ANK3: variants seen among roughly 807,000 people sequenced by gnomAD.
ANK3 encodes the protein ankyrin-3.
In ANK3, 57 loss-of-function variants were observed where a neutral mutation model predicts 370.9. The ratio of observed to expected loss-of-function variants is 0.15; its 90% confidence interval spans 0.12 to 0.19. ANK3 has a LOEUF of 0.19. Ranked by LOEUF, ANK3 falls within the 10% of genes least tolerant of loss-of-function variation. The probability of loss-of-function intolerance (pLI) is 1.00; values close to 1 mark genes in which losing one functional copy is unlikely to be tolerated. For synonymous variants in ANK3, 1,929 were observed against 1,946.3 expected (o/e 0.99, Z 0.23); for missense variants, 4,439 against 5,302.1 (o/e 0.84, Z 5.06).
chr10:60,050,644 T>C (rs2077763425), intron 42 of ANK3: 1 of 152,200 alleles, frequency 6.6e-6, no homozygotes, highest in Non-Finnish European at 1.5e-5. Flanking sequence ...TCAATTATTC[T>C]AACCCTTAGA....
Position 60,083,500 on chromosome 10 carries a change from A to C in ANK3, c.4192T>G (p.Ser1398Ala). 1 of 1,610,986 alleles carries C rather than the reference A, an allele frequency of 6.2e-7. No individual in the cohort carries two copies. The highest frequency in any genetic ancestry group is 8.5e-7 in the Non-Finnish European group (1 of 1,178,900). ...YSFKENRLPF[S>A]IKIRDTSQEP... ...TGTTAAAGATGATTTACCTTGATGG[A>C]AAATGGCAGTCTATTTTCTTTGAAA... The change falls in exon 33 of 44, where the codon TCC (serine) becomes GCC (alanine). Residue 1398 changes from serine to alanine, a missense_variant. Transcript: ENST00000280772.
intron 2 of ANK3, among the ~76,000 whole-genome samples, chr10:60,403,866 C>T (rs1467538169): frequency 6.6e-6 from 1 of 152,078 alleles, no homozygotes; most frequent in African/African-American, 2.4e-5. Context: ...ATTTATGAAA[C>T]AACTCCTAGA....
At chr10:60,103,014 G>A (rs1018208561) in intron 28 of ANK3, among the ~76,000 whole-genome samples, 59 of 151,920 alleles carry the variant, frequency 3.9e-4, no homozygotes, top group African/African-American at 1.4e-3. Flanking sequence ...GCAGTGGCGC[G>A]ATCTTGGCTC....
At chr10:60,267,869 T>C (rs1318283324) in intron 5 of ANK3, among the ~76,000 whole-genome samples, 2 of 152,228 alleles carry the variant, frequency 1.3e-5, no homozygotes, top group Non-Finnish European at 2.9e-5. Flanking sequence ...AGGATGGGTT[T>C]TCTCTTAACC....
chr10:60,330,421 TAA>T (rs1266674348), intron 1 of ANK3, among the ~76,000 whole-genome samples: 2 of 151,902 alleles, frequency 1.3e-5, no homozygotes, highest in African/African-American at 4.8e-5. Context: ...ACAAAGAACT[TAA>T]ACAAACTTAC....
At chr10:60,209,621 C>G (rs2096821041) in intron 9 of ANK3, among the ~76,000 whole-genome samples, 1 of 152,148 alleles carries the variant, frequency 6.6e-6, no homozygotes, top group Admixed American at 6.5e-5. Context: ...AAAAATTTCC[C>G]TCAAATATTT....
intron 2 of ANK3, among the ~76,000 whole-genome samples, chr10:60,411,445 C>G (rs1286920350): frequency 2.0e-5 from 3 of 152,134 alleles, no homozygotes; most frequent in Non-Finnish European, 4.4e-5. Flanking sequence ...GAGAAAATAA[C>G]AACAGCAACT....
chr10:60,313,126 T>C (rs2046694192), intron 1 of ANK3, among the ~76,000 whole-genome samples: 1 of 152,222 alleles, frequency 6.6e-6, no homozygotes, highest in African/African-American at 2.4e-5. Flanking sequence ...TCTGCAGAAC[T>C]GACCAGAACA....
At chr10:60,203,142 T>TA (rs778963545) in intron 11 of ANK3, 42 bp from the exon 12 acceptor site, 1 of 1,488,480 alleles carries the variant, frequency 6.7e-7, no homozygotes, top group Non-Finnish European at 9.3e-7. Context: ...TGGCTTAGCA[T>TA]AAAAAAGGTT....
intron 28 of ANK3, among the ~76,000 whole-genome samples, chr10:60,101,832 C>T (rs561736579): frequency 6.6e-6 from 1 of 152,170 alleles, no homozygotes; most frequent in Non-Finnish European, 1.5e-5. Flanking sequence ...TTGTGTCATA[C>T]AAAGAAACTA....
chr10:60,049,002 TAGAA>T (rs2077407384), intron 42 of ANK3, among the ~76,000 whole-genome samples: 1 of 152,148 alleles, frequency 6.6e-6, no homozygotes, highest in African/African-American at 2.4e-5. Flanking sequence ...TCTTTTCCAT[TAGAA>T]AGATAGATAG....
intron 24 of ANK3, among the ~76,000 whole-genome samples, chr10:60,137,027 C>T (rs968977639): frequency 6.6e-6 from 1 of 152,020 alleles, no homozygotes; most frequent in Non-Finnish European, 1.5e-5. Flanking sequence ...AACAAACAGC[C>T]CTTCACATCA....
At chr10:60,412,372 C>T (rs894188078) in intron 2 of ANK3, among the ~76,000 whole-genome samples, 1 of 152,166 alleles carries the variant, frequency 6.6e-6, no homozygotes, top group African/African-American at 2.4e-5. Context: ...CTACATCCAT[C>T]TTCTCCAGCT....
intron 2 of ANK3, among the ~76,000 whole-genome samples, chr10:60,608,020 T>C (rs965778995): frequency 1.3e-5 from 2 of 152,182 alleles, no homozygotes; most frequent in South Asian, 4.1e-4. Flanking sequence ...TTTATCCAGA[T>C]GTATCAGCAG....
Position 60,070,121 on chromosome 10 carries a change from G to A in ANK3, c.10760C>T (p.Thr3587Met), listed in dbSNP as rs1311916565. The A allele has an allele frequency of 5.0e-6, 8 of 1,613,994 alleles. No individual in the cohort carries two copies. The highest frequency in any genetic ancestry group is 1.3e-5 in the African/African-American group (1 of 74,934). Reference protein sequence around the residue: ...ATTPDTTPARTPTDESTPTSE... With the variant: ...ATTPDTTPARMPTDESTPTSE... ...AGTTGGGGTACTTTCATCAGTTGGCGTTCTGGCTGGCGTTGTATCAGGGGT... is the reference window on the plus strand; with the variant it reads ...AGTTGGGGTACTTTCATCAGTTGGCATTCTGGCTGGCGTTGTATCAGGGGT... Residue 3587 changes from threonine to methionine, a missense_variant, in exon 37 of 44, where the codon ACG becomes ATG. Around this residue, in one of 13 missense-constraint regions of ANK3, gnomAD observed 1,601 missense variants for 1,731.7 expected, o/e 0.92. Coordinates refer to ENST00000280772, the MANE Select transcript of ANK3 (RefSeq NM_020987.5). The surrounding 1 kb of genome is among the most constrained non-coding windows in gnomAD (Gnocchi z 5.7).
intron 2 of ANK3, among the ~76,000 whole-genome samples, chr10:60,489,492 A>G (rs2075436786): frequency 6.6e-6 from 1 of 152,178 alleles, no homozygotes; most frequent in Non-Finnish European, 1.5e-5. Context: ...ATTAAATTAA[A>G]ACCATCTGTG....
intron 18 of ANK3, among the ~76,000 whole-genome samples, chr10:60,180,594 CAAAA>C (rs58386273): frequency 3.2e-5 from 2 of 63,424 alleles, no homozygotes; most frequent in Non-Finnish European, 5.5e-5. Context: ...GACTCCGTCT[CAAAA>C]AAAAAAAAAA....
At chr10:60,351,643 T>C (rs1412354062) in intron 1 of ANK3, among the ~76,000 whole-genome samples, 1 of 152,226 alleles carries the variant, frequency 6.6e-6, no homozygotes, top group South Asian at 2.1e-4. Flanking sequence ...TTGAACTTTA[T>C]TGGGAAACTG....
chr10:60,356,870 G>C (rs2057828787), intron 1 of ANK3, among the ~76,000 whole-genome samples: 1 of 152,110 alleles, frequency 6.6e-6, no homozygotes, highest in Non-Finnish European at 1.5e-5. Flanking sequence ...CACCACGCCT[G>C]GCTAATTTTT....
Sources: allele counts gnomAD v4.1 joint callset (sites outside exome capture counted in the v4.1 genomes callset), GRCh38; gene constraint gnomAD v4.1.1; regional missense constraint gnomAD v4.1.1; non-coding constraint Gnocchi (gnomAD v3.1); transcripts MANE v1.5; gene names NCBI Gene and HGNC (gene_info 2026-07-23, HGNC 2026-07-21).